The following CFAP77 variants were observed in gnomAD, a reference collection of about 807,000 sequenced individuals.
CFAP77 encodes the protein cilia- and flagella-associated protein 77.
In CFAP77, 25 loss-of-function variants were observed where a neutral mutation model predicts 31.1. The ratio of observed to expected loss-of-function variants is 0.80; its 90% confidence interval spans 0.59 to 1.12. The LOEUF is 1.12. Among genes scored for constraint, CFAP77 ranks in the 50% most tolerant of loss-of-function variants. The pLI is 0.00. For synonymous variants in CFAP77, 151 were observed against 159.9 expected (o/e 0.94, Z 0.42); for missense variants, 377 against 397.3 (o/e 0.95, Z 0.44).
chr9:132,516,806 G>GT (rs1852154988), intron 3 of CFAP77, among the ~76,000 whole-genome samples: 1 of 151,694 alleles, frequency 6.6e-6, no homozygotes, highest in Non-Finnish European at 1.5e-5. Context: ...AAAAGTTTCA[G>GT]TTTAAAAAAA....
intron 5 of CFAP77, among the ~76,000 whole-genome samples, chr9:132,556,443 A>G (rs768317210): frequency 3.3e-5 from 5 of 152,176 alleles, no homozygotes; most frequent in Non-Finnish European, 7.3e-5. Context: ...TCAGCTTGTC[A>G]GGGCCTTTGT....
chr9:132,524,971 C>T (rs1852332380), intron 3 of CFAP77, among the ~76,000 whole-genome samples: 1 of 147,516 alleles, frequency 6.8e-6, no homozygotes, highest in African/African-American at 2.5e-5. Flanking sequence ...TTTATTTTTA[C>T]CCTATATTTT....
At chr9:132,429,517 G>T (rs1169035448) in intron 1 of CFAP77, among the ~76,000 whole-genome samples, 2 of 117,326 alleles carry the variant, frequency 1.7e-5, no homozygotes, top group Non-Finnish European at 3.3e-5. Context: ...TAGCCCAGGT[G>T]ACAGAACGAG....
chr9:132,433,695 G>T (rs1035148418), intron 1 of CFAP77, among the ~76,000 whole-genome samples: 2 of 151,370 alleles, frequency 1.3e-5, no homozygotes, highest in African/African-American at 4.9e-5. Flanking sequence ...TTACAGGTGT[G>T]AGCCACCATG....
intron 1 of CFAP77, among the ~76,000 whole-genome samples, chr9:132,411,639 C>A (rs886790404): frequency 3.3e-5 from 5 of 152,154 alleles, no homozygotes; most frequent in Admixed American, 3.3e-4. Context: ...AGAAGAGCCA[C>A]TCTGAGTGGA....
intron 1 of CFAP77, among the ~76,000 whole-genome samples, chr9:132,469,838 A>ATT (rs763910119): frequency 1.3e-3 from 169 of 128,808 alleles, no homozygotes; most frequent in Non-Finnish European, 2.0e-3. Flanking sequence ...TTGCTCCGTG[A>ATT]TTTTTTTTTT....
chr9:132,532,884 TACAAAAAATAA>T (rs1314391981), intron 3 of CFAP77, among the ~76,000 whole-genome samples: 5 of 152,110 alleles, frequency 3.3e-5, no homozygotes, highest in Non-Finnish European at 7.4e-5. Context: ...CCCATATCTC[TACAAAAAATAA>T]ACAAAAAATT....
At chr9:132,437,803 G>T (rs982987766) in intron 1 of CFAP77, among the ~76,000 whole-genome samples, 1 of 151,206 alleles carries the variant, frequency 6.6e-6, no homozygotes, top group Non-Finnish European at 1.5e-5. Flanking sequence ...GAGCCACCGC[G>T]CCCGGCCCAC....
chr9:132,435,602 C>T (rs1009470247), intron 1 of CFAP77, among the ~76,000 whole-genome samples: 4 of 152,124 alleles, frequency 2.6e-5, no homozygotes, highest in African/African-American at 9.7e-5. Flanking sequence ...GGTGGTTGGT[C>T]GAGTTAAAGA....
chr9:132,489,583 T>TGCACGGAGGAGGTGCA (rs1186352551), intron 1 of CFAP77, among the ~76,000 whole-genome samples: 1 of 152,238 alleles, frequency 6.6e-6, no homozygotes, highest in Non-Finnish European at 1.5e-5. Flanking sequence ...CTGTGTGCCC[T>TGCACGGAGGAGGTGCA]GCACGGAGGA....
chr9:132,564,304 A>ATT lies in CFAP77; in HGVS notation c.733-8079_733-8078dup, dbSNP rs919056626. ...TAGCACCAGTTCATTCCACATGAGG[A>ATT]TTTTTTCATTGAAAGTAGAACAGAT... On this transcript the variant is annotated intron_variant, in intron 5 of 5. Transcript: ENST00000393216. This position sits in a 1 kb window ranked among gnomAD's most constrained non-coding sequence, Gnocchi z 4.6. Among the ~76,000 whole-genome samples, 11 of 152,280 alleles carry ATT rather than the reference A, an allele frequency of 7.2e-5. No homozygotes were observed. Among genetic ancestry groups the ATT allele is most frequent in the African/African-American group, 2.6e-4 (11 of 41,560 alleles).
intron 1 of CFAP77, among the ~76,000 whole-genome samples, chr9:132,441,474 A>G (rs1475674281): frequency 6.6e-6 from 1 of 152,174 alleles, no homozygotes; most frequent in Non-Finnish European, 1.5e-5. Context: ...GGGAAACACA[A>G]AGGGAGAAGA....
At chr9:132,449,268 CACTCACCCTCCTCTCCTACTCCT>C (rs1564207817) in intron 1 of CFAP77, among the ~76,000 whole-genome samples, 21 of 78,040 alleles carry the variant, frequency 2.7e-4, no homozygotes, top group African/African-American at 1.1e-3. Flanking sequence ...TGCTCCCTTG[CACTCACCCTCCTCTCCTACTCCT>C]GGCTGCACTC....
At chr9:132,436,989 T>C (rs1338454569) in intron 1 of CFAP77, among the ~76,000 whole-genome samples, 1 of 152,178 alleles carries the variant, frequency 6.6e-6, no homozygotes, top group East Asian at 1.9e-4. Context: ...ATTTCTGTTA[T>C]GAGGATCATT....
chr9:132,438,541 A>ATATATATATATATATTTT, intron 1 of CFAP77, among the ~76,000 whole-genome samples: 1 of 108,154 alleles, frequency 9.2e-6, no homozygotes, highest in African/African-American at 4.1e-5. Context: ...ATATATATAT[A>ATATATATATATATATTTT]TTTTTTTTTT....
At chr9:132,412,326 G>A (rs1850022077) in intron 1 of CFAP77, among the ~76,000 whole-genome samples, 1 of 152,210 alleles carries the variant, frequency 6.6e-6, no homozygotes, top group Admixed American at 6.5e-5. Context: ...TTCCACCAGG[G>A]ACAGCCAGGG....
chr9:132,520,147 C>A (rs1425457854), intron 3 of CFAP77, among the ~76,000 whole-genome samples: 1 of 150,952 alleles, frequency 6.6e-6, no homozygotes, highest in Non-Finnish European at 1.5e-5. Context: ...CCCCTCTCCT[C>A]TCACTCAGAA....
At chr9:132,500,070 T>C (rs1851816679) in intron 3 of CFAP77, among the ~76,000 whole-genome samples, 1 of 151,286 alleles carries the variant, frequency 6.6e-6, no homozygotes, top group Non-Finnish European at 1.5e-5. Flanking sequence ...GAGGATTGCT[T>C]GAGCCCAGGA....
intron 5 of CFAP77, among the ~76,000 whole-genome samples, chr9:132,549,006 GA>G (rs536982462): frequency 6.6e-6 from 1 of 152,216 alleles, no homozygotes; most frequent in African/African-American, 2.4e-5. Flanking sequence ...GAGATGGAGG[GA>G]AAAAAATATA....
Sources: allele counts gnomAD v4.1 joint callset (sites outside exome capture counted in the v4.1 genomes callset), GRCh38; gene constraint gnomAD v4.1.1; non-coding constraint Gnocchi (gnomAD v3.1); transcripts MANE v1.5; gene names NCBI Gene and HGNC (gene_info 2026-07-23, HGNC 2026-07-21).